The following PRKCB variants were observed in gnomAD, a reference collection of about 807,000 sequenced individuals.
The protein encoded by PRKCB is protein kinase C beta type.
In PRKCB, 13 loss-of-function variants were observed where a neutral mutation model predicts 81.5. The observed-to-expected ratio is 0.16, with a 90% CI of 0.10 to 0.25. The LOEUF is 0.25. PRKCB is among the 10% of genes least tolerant of loss of function. The pLI, the probability that PRKCB is intolerant of heterozygous loss-of-function variation, is 1.00. For synonymous variants in PRKCB, 335 were observed against 321.4 expected (o/e 1.04, Z -0.45); for missense variants, 509 against 875.7 (o/e 0.58, Z 5.29).
At chr16:24,188,182 ACTGGGGTGACTCT>A (rs1967734028) in intron 15 of PRKCB, among the ~76,000 whole-genome samples, 1 of 152,176 alleles carries the variant, frequency 6.6e-6, no homozygotes, top group Non-Finnish European at 1.5e-5. Context: ...TTCATGATTA[ACTGGGGTGACTCT>A]CTTACTATTG....
At chr16:23,942,572 T>A (rs1964152780) in intron 2 of PRKCB, among the ~76,000 whole-genome samples, 1 of 152,224 alleles carries the variant, frequency 6.6e-6, no homozygotes, top group Admixed American at 6.5e-5. Context: ...CTAAGTTTGT[T>A]TACTTCAAGC....
At chr16:24,083,148 CT>C (rs1336953031) in intron 5 of PRKCB, among the ~76,000 whole-genome samples, 1 of 152,104 alleles carries the variant, frequency 6.6e-6, no homozygotes, top group Non-Finnish European at 1.5e-5. Flanking sequence ...TGCACACTTA[CT>C]AGAATGGCTA....
At chr16:24,037,280 C>T (rs551196396) in intron 5 of PRKCB, among the ~76,000 whole-genome samples, 9 of 152,274 alleles carry the variant, frequency 5.9e-5, no homozygotes, top group South Asian at 2.1e-4. Context: ...TGAGCCACTG[C>T]GCCCAACCTT....
chr16:23,858,666 G>C (rs1962614375), intron 2 of PRKCB, among the ~76,000 whole-genome samples: 1 of 152,124 alleles, frequency 6.6e-6, no homozygotes, highest in South Asian at 2.1e-4. Context: ...GATCACAGTA[G>C]GCTGATTTCT....
intron 5 of PRKCB, 107 bp from the exon 6 acceptor site, chr16:24,092,684 A>G: frequency 1.8e-6 from 2 of 1,108,892 alleles, no homozygotes; most frequent in East Asian, 4.8e-5. Flanking sequence ...ATTTCTCACT[A>G]AACAAGTGTG....
intron 10 of PRKCB, among the ~76,000 whole-genome samples, chr16:24,157,342 C>A (rs1967176369): frequency 6.6e-6 from 1 of 152,060 alleles, no homozygotes; most frequent in Non-Finnish European, 1.5e-5. Context: ...GTGGGAGGGA[C>A]CAAGTGGGAG....
chr16:24,160,974 T>C (rs746360425), intron 10 of PRKCB, among the ~76,000 whole-genome samples: 5 of 152,188 alleles, frequency 3.3e-5, no homozygotes, highest in Non-Finnish European at 5.9e-5. Context: ...TGTCATTTTG[T>C]ATTTTGTGAC....
intron 16 of PRKCB, among the ~76,000 whole-genome samples, chr16:24,200,497 A>G (rs1352080257): frequency 6.6e-6 from 1 of 152,170 alleles, no homozygotes. Flanking sequence ...GTCTTAGTCC[A>G]TGTTGTGTTG....
chr16:24,094,853 A>AAGGAAGGAAGGAAGGG lies in PRKCB; in HGVS notation c.821+557_821+558insGGAAGGAAGGAAGGGA, dbSNP rs771070281. Among the ~76,000 whole-genome samples, 680 of 139,702 alleles carry AAGGAAGGAAGGAAGGG rather than the reference A, an allele frequency of 4.9e-3. 5 individuals are homozygous for AAGGAAGGAAGGAAGGG. The highest frequency in any genetic ancestry group is 7.0e-3 in the Non-Finnish European group (445 of 63,586). The allele number at this position is 139,702 out of a possible 152,430, so 91.6% of individuals were successfully genotyped here. On this transcript the variant is annotated intron_variant, in intron 7 of 16. Coordinates refer to ENST00000643927, the MANE Select transcript of PRKCB (RefSeq NM_002738.7). ...GAAGGAAGGAAGGAAGGAAGGAAGG[A>AAGGAAGGAAGGAAGGG]AAGGAAGAAAAAGGGAAAGGGAAAG...
intron 2 of PRKCB, among the ~76,000 whole-genome samples, chr16:23,846,969 C>G (rs1241182863): frequency 2.0e-5 from 3 of 151,956 alleles, no homozygotes; most frequent in Non-Finnish European, 4.4e-5. Context: ...TCTCCTTCCC[C>G]CTCAGCCCAC....
At chr16:24,214,254 A>G (rs2141995542) in intron 16 of PRKCB, among the ~76,000 whole-genome samples, 1 of 152,208 alleles carries the variant, frequency 6.6e-6, no homozygotes, top group South Asian at 2.1e-4. Flanking sequence ...ACTACTTTGC[A>G]TCTTGCACCA....
At chr16:23,887,086 T>C (rs1161571110) in intron 2 of PRKCB, among the ~76,000 whole-genome samples, 1 of 152,242 alleles carries the variant, frequency 6.6e-6, no homozygotes, top group Non-Finnish European at 1.5e-5. Flanking sequence ...CTCTCTTTCT[T>C]TCCTTCTTGC....
intron 9 of PRKCB, among the ~76,000 whole-genome samples, chr16:24,135,902 A>G (rs1454863566): frequency 6.6e-6 from 1 of 152,112 alleles, no homozygotes; most frequent in Admixed American, 6.5e-5. Flanking sequence ...GAGTTCCTTT[A>G]TCATATGGTT....
At chr16:24,030,696 T>C (rs1229619372) in intron 3 of PRKCB, among the ~76,000 whole-genome samples, 2 of 136,718 alleles carry the variant, frequency 1.5e-5, no homozygotes, top group African/African-American at 2.8e-5. Flanking sequence ...CTGGGCAACA[T>C]AGTGAGACCC....
intron 3 of PRKCB, among the ~76,000 whole-genome samples, chr16:24,029,064 T>A (rs1368722433): frequency 1.3e-5 from 2 of 152,240 alleles, no homozygotes; most frequent in Non-Finnish European, 2.9e-5. Context: ...GTGCTGGAAT[T>A]ACAGGCGTGA....
At chr16:23,866,443 CT>C (rs1962791887) in intron 2 of PRKCB, among the ~76,000 whole-genome samples, 1 of 152,150 alleles carries the variant, frequency 6.6e-6, no homozygotes, top group Non-Finnish European at 1.5e-5. Context: ...GATTGAAGAC[CT>C]TTTAACTCTT....
intron 9 of PRKCB, among the ~76,000 whole-genome samples, chr16:24,144,405 A>T (rs399734): frequency 0.36 from 55,237 of 151,760 alleles, 10,395 homozygotes; most frequent in South Asian, 0.47. Flanking sequence ...TTCAAGTGAT[A>T]CTCCTGCCTC....
At chr16:24,062,371 T>C (rs1250006639) in intron 5 of PRKCB, among the ~76,000 whole-genome samples, 1 of 152,170 alleles carries the variant, frequency 6.6e-6, no homozygotes, top group Non-Finnish European at 1.5e-5. Flanking sequence ...GAGCAGTAAG[T>C]GAGGGCATTT....
At chr16:23,836,382 C>A (rs753030366) in intron 1 of PRKCB, 34 bp downstream of exon 1, 1 of 1,590,330 alleles carries the variant, frequency 6.3e-7, no homozygotes, top group Non-Finnish European at 8.5e-7. Flanking sequence ...CTTCCCGGGC[C>A]CCCGAGGGCA....
Sources: gnomAD v4.1 joint callset for allele counts (sites outside exome capture counted in the v4.1 genomes callset) on GRCh38, gnomAD v4.1.1 for gene constraint, MANE v1.5 for transcripts, NCBI Gene and HGNC (gene_info 2026-07-23, HGNC 2026-07-21) for gene names.